The following TNRC18 variants were observed in gnomAD, a reference collection of about 807,000 sequenced individuals.
TNRC18 encodes the protein trinucleotide repeat containing 18.
Under a neutral mutation model 226.7 loss-of-function variants are expected in TNRC18, and 69 were observed. The ratio of observed to expected loss-of-function variants is 0.30; its 90% confidence interval spans 0.25 to 0.37. The LOEUF (loss-of-function observed/expected upper bound fraction) is 0.37, where lower values mean the gene tolerates loss of function less well. Among genes scored for constraint, TNRC18 ranks in the 10% least tolerant of loss-of-function variants. The probability of loss-of-function intolerance (pLI) is 1.00; values close to 1 mark genes in which losing one functional copy is unlikely to be tolerated. For missense variants in TNRC18, 4,754 were observed against 4,256.6 expected (o/e 1.12, Z -3.25); for synonymous variants, 2,449 against 1,927.6 (o/e 1.27, Z -7.09).
intron 19 of TNRC18, among the ~76,000 whole-genome samples, chr7:5,331,999 G>C (rs991014857): frequency 6.6e-6 from 1 of 152,168 alleles, no homozygotes; most frequent in Non-Finnish European, 1.5e-5. Context: ...CTAAAGGAAT[G>C]TATAGGTACC....
chr7:5,389,271 TCCGGGC>T lies in TNRC18; in HGVS notation c.547_552del (p.Ala183_Arg184del). 3 of 1,299,592 alleles carry T rather than the reference TCCGGGC, an allele frequency of 2.3e-6. No individual in the cohort carries two copies. The highest frequency in any genetic ancestry group is 2.9e-6 in the Non-Finnish European group (3 of 1,025,848). The allele number at this position is 1,299,592 out of a possible 1,614,324, so 80.5% of individuals were successfully genotyped here. A position where few individuals can be genotyped will look rare whatever the true frequency, so the allele number is the denominator to read the frequency against. On this transcript the variant is annotated inframe_deletion, in exon 5 of 30. Transcript: ENST00000430969. The stretch of plus-strand genomic sequence containing the variant: ...CCCGAGGAGTGGCCGCCGCCAGGGG[TCCGGGC>T]CGAGGGCGCGTGAGAGTGCAGGGAG...
In TNRC18 at chr7:5,388,523, C is replaced by T. The variant is rs1288313997; in HGVS notation, c.1301G>A (p.Arg434His). Residue 434 changes from arginine (R) to histidine (H), a missense_variant, in exon 5 of 30, where the codon CGC becomes CAC. By Grantham distance (29) the Arg-to-His change is conservative. Coordinates refer to ENST00000430969, the MANE Select transcript of TNRC18 (RefSeq NM_001080495.3). ...CGCGGGGGGCGGCCGCTTGAGCGAG[C>T]GGATGACCGAGTTCTTCTCGCGCAG... ...EGLREKNSVI[R>H]SLKRPPPADA... 4.5e-6 allele frequency: 6 copies of T among 1,321,154 alleles called. No homozygotes were observed. Among genetic ancestry groups the T allele is most frequent in the East Asian group, 3.5e-5 (1 of 28,432 alleles). 81.8% of individuals were successfully genotyped at this position (1,321,154 alleles called of 1,614,324 possible).
intron 21 of TNRC18, among the ~76,000 whole-genome samples, chr7:5,322,021 T>G (rs1216764082): frequency 2.6e-5 from 4 of 151,686 alleles, no homozygotes; most frequent in Non-Finnish European, 5.9e-5. Flanking sequence ...GGCTCACACC[T>G]GTAATCCCAG....
At chr7:5,401,230 G>A (rs534774371) in intron 2 of TNRC18, among the ~76,000 whole-genome samples, 3 of 147,376 alleles carry the variant, frequency 2.0e-5, no homozygotes, top group Non-Finnish European at 3.0e-5. Context: ...TTCGAGTCGG[G>A]GGGGGGCGGG....
intron 19 of TNRC18, among the ~76,000 whole-genome samples, chr7:5,328,275 C>T (rs914769754): frequency 1.1e-4 from 17 of 152,106 alleles, no homozygotes; most frequent in Admixed American, 5.9e-4. Flanking sequence ...GTAATCCCAA[C>T]GCTTCGGGAG....
At position 5,309,344 on chromosome 7, in the gene TNRC18, G is replaced by A. The variant is rs1786945982; in HGVS notation, c.8413C>T (p.Arg2805Cys). 2 of 1,613,308 alleles carry A rather than the reference G, an allele frequency of 1.2e-6. No homozygotes were observed. Among genetic ancestry groups the A allele is most frequent in the Non-Finnish European group, 1.7e-6 (2 of 1,179,678 alleles). Residue 2805 changes from arginine to cysteine, a missense_variant, in exon 28 of 30, where the codon CGC becomes TGC. Transcript: ENST00000430969. This position sits in a 1 kb window ranked among gnomAD's most constrained non-coding sequence, Gnocchi z 5.7. ...ACGATGGCCTTGTAGAAGAGCTTGCGGGCCTTGCCCTTCATGCCACGCCGC... is the reference window on the plus strand; with the variant it reads ...ACGATGGCCTTGTAGAAGAGCTTGCAGGCCTTGCCCTTCATGCCACGCCGC... ...TQRRGMKGKA[R>C]KLFYKAIVRG...
chr7:5,420,082 G>A (rs1214286613), intron 2 of TNRC18: 1 of 275,092 alleles, frequency 3.6e-6, no homozygotes, highest in Non-Finnish European at 7.2e-6. Context: ...CCGCCGGGCA[G>A]GTCTGGAGGT....
chr7:5,383,141 G>A (rs892360157), intron 5 of TNRC18, among the ~76,000 whole-genome samples: 1 of 152,110 alleles, frequency 6.6e-6, no homozygotes, highest in Non-Finnish European at 1.5e-5. Context: ...GAGCTCAAGC[G>A]ATCTGCCCAC....
At position 5,377,969 on chromosome 7, in the gene TNRC18, T is replaced by A; in HGVS notation, c.2208A>T (p.Glu736Asp). The A allele has an allele frequency of 6.2e-7, 1 of 1,613,288 alleles. No homozygotes were observed. Among genetic ancestry groups the A allele is most frequent in the Non-Finnish European group, 8.5e-7 (1 of 1,179,748 alleles). The change falls in exon 6 of 30, where the codon GAA (glutamate) becomes GAT (aspartate). Residue 736 changes from glutamate (E) to aspartate (D), a missense_variant. Coordinates refer to ENST00000430969, the MANE Select transcript of TNRC18 (RefSeq NM_001080495.3). The surrounding 1 kb of genome is among the most constrained non-coding windows in gnomAD (Gnocchi z 5.8). ...GGTCCAGCCGTGCCCCGAGCAGCCG[T>A]TCCTCCCGGTGTCTGGCCCGGTCGT... ...CVDDRARHRE[E>D]RLLGARLDRD...
At chr7:5,364,202 G>T (rs1390618993) in intron 11 of TNRC18, among the ~76,000 whole-genome samples, 1 of 152,052 alleles carries the variant, frequency 6.6e-6, no homozygotes, top group Admixed American at 6.6e-5. Flanking sequence ...GGGGGTTGAG[G>T]CATAAGAACT....
At position 5,312,965 on chromosome 7, in the gene TNRC18, A is replaced by AGAGGAGGAG. The variant is rs745768175; in HGVS notation, c.7917_7925dup (p.Ser2669_Ser2671dup). 4.5e-6 allele frequency: 5 copies of AGAGGAGGAG among 1,110,732 alleles called. No individual in the cohort carries two copies. The highest frequency in any genetic ancestry group is 1.5e-5 in the South Asian group (1 of 66,726). The allele number at this position is 1,110,732 out of a possible 1,614,324, so 68.8% of individuals were successfully genotyped here. A position where few individuals can be genotyped will look rare whatever the true frequency, so the allele number is the denominator to read the frequency against. On this transcript the variant is annotated inframe_insertion, in exon 27 of 30. Transcript: ENST00000430969. This position sits in a 1 kb window ranked among gnomAD's most constrained non-coding sequence, Gnocchi z 6.3. ...AGGAAGAGGAGGAAGACGAAGAGGA[A>AGAGGAGGAG]GAGGAGGAGGAGGAAGAGGAGGAGG...
At chr7:5,372,123 A>G (rs1292746061) in intron 10 of TNRC18, among the ~76,000 whole-genome samples, 2 of 150,654 alleles carry the variant, frequency 1.3e-5, no homozygotes, top group Admixed American at 6.6e-5. Context: ...ACTGGAGTGC[A>G]GTGGCGCGAT....
At chr7:5,372,244 T>A (rs2128174077) in intron 10 of TNRC18, among the ~76,000 whole-genome samples, 1 of 151,522 alleles carries the variant, frequency 6.6e-6, no homozygotes, top group South Asian at 2.1e-4. Flanking sequence ...ATTTTTTTTT[T>A]TTTTTTGTAT....
Position 5,345,726 on chromosome 7 carries a change from C to A in TNRC18, c.5555G>T (p.Arg1852Leu), listed in dbSNP as rs1346042181. ...ASGGGYRLGARERALSPGLEE... is the reference protein window; with the variant it reads ...ASGGGYRLGALERALSPGLEE... ...CAGGCCCGGTGACAGGGCCCGCTCC[C>A]GGGCACCCAGCCTGTAGCCACCACC... Residue 1852 changes from arginine to leucine, a missense_variant, in exon 18 of 30, where the codon CGG becomes CTG. Coordinates refer to ENST00000430969, the MANE Select transcript of TNRC18 (RefSeq NM_001080495.3). 1 of 1,548,512 alleles carries A rather than the reference C, an allele frequency of 6.5e-7. No individual in the cohort carries two copies.
chr7:5,388,599 C>T lies in TNRC18; in HGVS notation c.1225G>A (p.Val409Ile). The stretch of plus-strand genomic sequence containing the variant: ...GGGGAGCCGGGGGGCGCCTGCAGGA[C>T]CCCTGGCCTGCCAGCCTCGCGCTCG... Reference protein sequence around the residue: ...AREREAGRPGVLQAPPGSPRP... With the variant: ...AREREAGRPGILQAPPGSPRP... The change falls in exon 5 of 30, where the codon GTC becomes ATC. Residue 409 changes from valine to isoleucine, a missense_variant. Transcript: ENST00000430969. 7.7e-7 allele frequency: 1 copy of T among 1,296,034 alleles called. No homozygotes were observed. The highest frequency in any genetic ancestry group is 9.8e-7 in the Non-Finnish European group (1 of 1,022,140). 80.3% of individuals were successfully genotyped at this position (1,296,034 alleles called of 1,614,324 possible).
In TNRC18 at chr7:5,421,102, G is replaced by A. The variant is rs763163419; in HGVS notation, c.145C>T (p.Pro49Ser). Residue 49 changes from proline (P) to serine (S), a missense_variant, in exon 2 of 30, where the codon CCC becomes TCC. Transcript: ENST00000430969. ...TTCAGGCCGGCCATGTACTTCCCGG[G>A]CGGCAGCGGGCCGGGCAAGCCCGAG... Reference protein sequence around the residue: ...PASGLPGPLPPGKYMAGLNLH... With the variant: ...PASGLPGPLPSGKYMAGLNLH... 2.7e-6 allele frequency: 4 copies of A among 1,475,470 alleles called. No homozygotes were observed. The highest frequency in any genetic ancestry group is 5.1e-5 in the East Asian group (2 of 39,410). The allele number at this position is 1,475,470 out of a possible 1,614,324, so 91.4% of individuals were successfully genotyped here. A position where few individuals can be genotyped will look rare whatever the true frequency, so the allele number is the denominator to read the frequency against.
chr7:5,353,562 GAAAAAAAA>G (rs35875231), intron 16 of TNRC18, among the ~76,000 whole-genome samples: 1 of 86,552 alleles, frequency 1.2e-5, no homozygotes, highest in African/African-American at 4.0e-5. Flanking sequence ...ATCATCTAAA[GAAAAAAAA>G]AAAAAAAAAA....
At chr7:5,405,898 A>AT in intron 2 of TNRC18, among the ~76,000 whole-genome samples, 1 of 152,196 alleles carries the variant, frequency 6.6e-6, no homozygotes, top group Non-Finnish European at 1.5e-5. Context: ...ACCCGTTTCT[A>AT]TTTTAAAAAA....
intron 26 of TNRC18, among the ~76,000 whole-genome samples, chr7:5,314,248 G>A (rs1398884341): frequency 6.6e-6 from 1 of 152,018 alleles, no homozygotes; most frequent in Non-Finnish European, 1.5e-5. Flanking sequence ...CTGAGAATAG[G>A]CGTGGACCAC....
Sources: allele counts gnomAD v4.1 joint callset (sites outside exome capture counted in the v4.1 genomes callset), GRCh38; gene constraint gnomAD v4.1.1; non-coding constraint Gnocchi (gnomAD v3.1); transcripts MANE v1.5; gene names NCBI Gene and HGNC (gene_info 2026-07-23, HGNC 2026-07-21).